The following XYLB variants were observed in gnomAD, a reference collection of about 807,000 sequenced individuals.
XYLB encodes xylulokinase.
Under a neutral mutation model 78.7 loss-of-function variants are expected in XYLB, and 62 were observed. That is an observed-to-expected ratio of 0.79 (90% confidence interval 0.64 to 0.97). The LOEUF is 0.97. Ranked by LOEUF, XYLB falls within the 50% of genes least tolerant of loss-of-function variation. The probability of loss-of-function intolerance (pLI) is 0.00; values close to 1 mark genes in which losing one functional copy is unlikely to be tolerated. For synonymous variants in XYLB, 245 were observed against 247.4 expected (o/e 0.99, Z 0.09); for missense variants, 687 against 676.8 (o/e 1.02, Z -0.17).
At chr3:38,366,067 AAGTC>A (rs1168654770) in intron 6 of XYLB, among the ~76,000 whole-genome samples, 2 of 151,824 alleles carry the variant, frequency 1.3e-5, no homozygotes, top group Non-Finnish European at 2.9e-5. Context: ...AAGCTGAAAG[AAGTC>A]AGTGCATGTA....
chr3:38,439,130 C>G, the XYLB span, among the ~76,000 whole-genome samples: 1 of 152,138 alleles, frequency 6.6e-6, no homozygotes, highest in African/African-American at 2.4e-5. Context: ...CAGGACACCC[C>G]AGCTGCTGTT....
At chr3:38,387,483 G>T (rs142298240) in intron 15 of XYLB, among the ~76,000 whole-genome samples, 3,531 of 152,134 alleles carry the variant, frequency 0.023, 146 homozygotes, top group African/African-American at 0.08. Context: ...CGCTTCTCCT[G>T]CCTCAGCCTC....
the XYLB span, among the ~76,000 whole-genome samples, chr3:38,434,109 G>A: frequency 1.3e-5 from 2 of 152,282 alleles, no homozygotes; most frequent in East Asian, 3.9e-4. Context: ...GATCTTGTGA[G>A]AACTCACTCA....
At chr3:38,386,241 C>T (rs1707379604) in intron 15 of XYLB, among the ~76,000 whole-genome samples, 1 of 152,108 alleles carries the variant, frequency 6.6e-6, no homozygotes, top group African/African-American at 2.4e-5. Flanking sequence ...TGTCGTCTCT[C>T]CAGCAGCCTC....
downstream of XYLB, among the ~76,000 whole-genome samples, chr3:38,417,591 C>G (rs2125689177): frequency 6.6e-6 from 1 of 152,266 alleles, no homozygotes; most frequent in South Asian, 2.1e-4. Context: ...GCTCAAAAGA[C>G]AGTTTCTAGC....
At chr3:38,400,760 C>A (rs954006034) in intron 17 of XYLB, 131 bp from the exon 18 acceptor site, 6 of 648,246 alleles carry the variant, frequency 9.3e-6, no homozygotes, top group Non-Finnish European at 1.6e-5. Context: ...CATAAATGTA[C>A]TGAATTGTGC....
the XYLB span, among the ~76,000 whole-genome samples, chr3:38,442,959 GT>G: frequency 8.5e-5 from 13 of 152,056 alleles, no homozygotes; most frequent in African/African-American, 3.1e-4. Flanking sequence ...AGGGTAACTT[GT>G]TCCCCATATT....
intron 4 of XYLB, 68 bp from the exon 5 acceptor site, chr3:38,365,131 T>C (rs1320275224): frequency 4.1e-6 from 6 of 1,478,910 alleles, no homozygotes; most frequent in Non-Finnish European, 5.7e-6. Context: ...CTGGGGTCTT[T>C]CTGTGTCTTC....
At chr3:38,446,371 T>C in the XYLB span, among the ~76,000 whole-genome samples, 2 of 152,244 alleles carry the variant, frequency 1.3e-5, no homozygotes, top group Admixed American at 1.3e-4. Context: ...TATAGAGCAC[T>C]GATTGGTACA....
intron 14 of XYLB, among the ~76,000 whole-genome samples, chr3:38,378,047 G>A (rs902139240): frequency 3.9e-5 from 6 of 152,190 alleles, no homozygotes; most frequent in Non-Finnish European, 8.8e-5. Flanking sequence ...AGTAAATGGG[G>A]GGTTTATGTA....
the XYLB span, among the ~76,000 whole-genome samples, chr3:38,430,448 G>T: frequency 6.6e-6 from 1 of 152,114 alleles, no homozygotes; most frequent in Non-Finnish European, 1.5e-5. Flanking sequence ...GTAGATTCTC[G>T]ATATTAGCCC....
intron 15 of XYLB, among the ~76,000 whole-genome samples, chr3:38,388,402 G>A (rs1454131939): frequency 6.6e-6 from 1 of 151,952 alleles, no homozygotes. Flanking sequence ...CAAAAGATAA[G>A]TATGTGAAGT....
intron 4 of XYLB, among the ~76,000 whole-genome samples, chr3:38,364,709 G>A (rs1385690231): frequency 3.2e-5 from 1 of 31,268 alleles, no homozygotes; most frequent in East Asian, 0.011. Flanking sequence ...CCCTGTCACT[G>A]CAGCTCCATA....
At chr3:38,406,322 G>C (rs1011812382) in intron 18 of XYLB, among the ~76,000 whole-genome samples, 1 of 152,338 alleles carries the variant, frequency 6.6e-6, no homozygotes, top group East Asian at 1.9e-4. Context: ...CTGCAGCTGA[G>C]GGTCCTGTCT....
intron 18 of XYLB, among the ~76,000 whole-genome samples, chr3:38,408,906 C>T (rs1708452057): frequency 6.6e-6 from 1 of 152,106 alleles, no homozygotes; most frequent in Admixed American, 6.5e-5. Context: ...AGCTTACCAA[C>T]CAAAAAGAGT....
chr3:38,434,066 G>T, the XYLB span, among the ~76,000 whole-genome samples: 10 of 152,228 alleles, frequency 6.6e-5, no homozygotes, highest in Non-Finnish European at 1.2e-4. Flanking sequence ...TGAGCACTGA[G>T]TGAAGGTGGG....
At chr3:38,420,781 C>T (rs900296967), downstream of XYLB, among the ~76,000 whole-genome samples, 1 of 152,090 alleles carries the variant, frequency 6.6e-6, no homozygotes, top group African/African-American at 2.4e-5. Flanking sequence ...AGCCCTAACC[C>T]TGTCATAAAC....
At chr3:38,363,145 CTG>C in intron 4 of XYLB, 128 bp downstream of exon 4, 1 of 635,548 alleles carries the variant, frequency 1.6e-6, no homozygotes, top group Non-Finnish European at 2.4e-6. Context: ...ACAAATTTCA[CTG>C]TGAATAAAAA....
intron 15 of XYLB, among the ~76,000 whole-genome samples, chr3:38,391,472 T>C (rs1415359297): frequency 6.6e-6 from 1 of 152,248 alleles, no homozygotes; most frequent in Non-Finnish European, 1.5e-5. Flanking sequence ...ACATGCGGTG[T>C]GATTTGCTGC....
Sources: allele counts gnomAD v4.1 joint callset (sites outside exome capture counted in the v4.1 genomes callset), GRCh38; gene constraint gnomAD v4.1.1; transcripts MANE v1.5; gene names NCBI Gene and HGNC (gene_info 2026-07-23, HGNC 2026-07-21).